Variants in ACYP2 observed in about 807,000 individuals in gnomAD.
ACYP2 encodes acylphosphatase 2, also known as acylphosphatase-2.
A neutral mutation model predicts 11.2 loss-of-function variants in ACYP2; 12 were observed. The ratio of observed to expected loss-of-function variants is 1.08; its 90% confidence interval spans 0.69 to 1.74. The LOEUF is 1.74. Ranked by LOEUF, ACYP2 falls within the 40% of genes most tolerant of loss-of-function variation. The probability of loss-of-function intolerance (pLI) is 0.00; values close to 1 mark genes in which losing one functional copy is unlikely to be tolerated. For missense variants in ACYP2, 134 were observed against 101.9 expected (o/e 1.31, Z -1.35); for synonymous variants, 43 against 32.2 (o/e 1.33, Z -1.13).
chr2:54,216,437 GATTA>G (rs1440829040), intron 6 of ACYP2, among the ~76,000 whole-genome samples: 2 of 151,810 alleles, frequency 1.3e-5, no homozygotes, highest in African/African-American at 2.4e-5. Context: ...TAAATATGAA[GATTA>G]ATTTGGGGAG....
At chr2:54,261,921 T>G (rs1280925538) in intron 6 of ACYP2, among the ~76,000 whole-genome samples, 1 of 152,238 alleles carries the variant, frequency 6.6e-6, no homozygotes. Flanking sequence ...ACCAAGTAGC[T>G]TTACAGCTGC....
At chr2:54,008,067 G>A (rs1440007662) in intron 2 of ACYP2, among the ~76,000 whole-genome samples, 3 of 152,268 alleles carry the variant, frequency 2.0e-5, no homozygotes, top group East Asian at 1.9e-4. Context: ...TCTTACTGTC[G>A]TAATTTTGCA....
At chr2:54,050,543 C>T (rs912035908) in intron 2 of ACYP2, among the ~76,000 whole-genome samples, 4 of 141,642 alleles carry the variant, frequency 2.8e-5, no homozygotes, top group Non-Finnish European at 4.5e-5. Flanking sequence ...GAAACCCCAT[C>T]CCTGAAAAAA....
rs771214655 is a variant in ACYP2, at chr2:54,138,680, GGTGAAGAATACCA to G, written c.338_350del (p.Val113AlafsTer5). On this transcript the variant is annotated frameshift_variant, in exon 6 of 7. Transcript: ENST00000607452. LOFTEE classifies it high-confidence loss of function. ...CTAGGAAAATAGGAGTGGTTGGCTG[GGTGAAGAATACCA>G]GCAAAGGCACCGTGACAGGCCAAGT... 5.6e-6 allele frequency: 9 copies of G among 1,613,986 alleles called. No homozygotes were observed. Among genetic ancestry groups the G allele is most frequent in the Non-Finnish European group, 6.8e-6 (8 of 1,180,008 alleles).
intron 6 of ACYP2, among the ~76,000 whole-genome samples, chr2:54,199,795 C>G (rs1684682042): frequency 6.6e-6 from 1 of 152,208 alleles, no homozygotes; most frequent in African/African-American, 2.4e-5. Context: ...CCCAGGCAGC[C>G]TGACTTCAGA....
chr2:54,270,846 T>TCCACAC (rs1688265369), intron 6 of ACYP2, among the ~76,000 whole-genome samples: 6 of 152,208 alleles, frequency 3.9e-5, no homozygotes, highest in Non-Finnish European at 7.3e-5. Context: ...ATTTCAATAT[T>TCCACAC]TAACAAACAG....
At chr2:54,277,979 T>C (rs918294439) in intron 6 of ACYP2, among the ~76,000 whole-genome samples, 2 of 152,160 alleles carry the variant, frequency 1.3e-5, no homozygotes, top group Non-Finnish European at 2.9e-5. Flanking sequence ...AATTAATTTA[T>C]TTATTTATGT....
chr2:54,179,438 C>T lies in ACYP2; in HGVS notation c.404+40690C>T, dbSNP rs184841081. 5.3e-5 allele frequency among the ~76,000 whole-genome samples: 8 copies of T among 152,108 alleles called. No homozygotes were observed. In the East Asian group the frequency reaches 9.7e-4, roughly 18 times the overall value. On this transcript the variant is annotated intron_variant, in intron 6 of 6. Coordinates refer to ENST00000607452, the MANE Select transcript of ACYP2 (RefSeq NM_001320586.2). ...TTGGAAATAATTCAGGGCAAGTCGG[C>T]GGAGTAAAGTGAAAGCAAGCTTATT...
chr2:53,995,974 A>G (rs1672554541), intron 2 of ACYP2, among the ~76,000 whole-genome samples: 1 of 152,040 alleles, frequency 6.6e-6, no homozygotes, highest in African/African-American at 2.4e-5. Flanking sequence ...GTCTACCAAA[A>G]TTACAAAAAA....
At chr2:54,296,068 C>T (rs1160057109) in intron 6 of ACYP2, among the ~76,000 whole-genome samples, 1 of 152,166 alleles carries the variant, frequency 6.6e-6, no homozygotes, top group South Asian at 2.1e-4. Flanking sequence ...CTGATCCTGC[C>T]ACCTTCTTAG....
In ACYP2 at chr2:54,283,455, AT is replaced by A. The variant is rs572544101; in HGVS notation, c.405-21231del. ...GGACTCTGTGTAGTGCTTTACATAT[AT>A]TAACTCCTTTCATCTTCACAACACT... On this transcript the variant is annotated intron_variant, in intron 6 of 6. Transcript: ENST00000607452. Among the ~76,000 whole-genome samples, 483 of 152,296 alleles carry A rather than the reference AT, an allele frequency of 3.2e-3. 2 individuals carry two copies. Among genetic ancestry groups the A allele is most frequent in the Middle Eastern group, 0.01 (3 of 294 alleles).
At position 54,176,496 on chromosome 2, in the gene ACYP2, CT is replaced by C. The variant is rs148590682; in HGVS notation, c.404+37749del. Among the ~76,000 whole-genome samples the C allele has an allele frequency of 7.4e-3, 1,128 of 152,312 alleles. 8 individuals carry two copies. The highest frequency in any genetic ancestry group is 0.026 in the African/African-American group (1,082 of 41,568). On this transcript the variant is annotated intron_variant, in intron 6 of 6. Coordinates refer to ENST00000607452, the MANE Select transcript of ACYP2 (RefSeq NM_001320586.2). The stretch of plus-strand genomic sequence containing the variant: ...GGACAGAGGAATACACTATTTAAGT[CT>C]GTTGTAACACCTGAATTGCTCTGTA...
intron 6 of ACYP2, among the ~76,000 whole-genome samples, chr2:54,220,713 G>A (rs1023866557): frequency 1.3e-5 from 2 of 152,154 alleles, no homozygotes; most frequent in African/African-American, 4.8e-5. Context: ...ATGAACTTCT[G>A]AAGTCTGAGT....
chr2:54,161,314 G>T (rs534774152), intron 6 of ACYP2, among the ~76,000 whole-genome samples: 1 of 152,296 alleles, frequency 6.6e-6, no homozygotes, highest in African/African-American at 2.4e-5. Context: ...CATGATCTTG[G>T]GGGCTGGGAC....
chr2:54,053,691 A>G (rs1183897936), intron 3 of ACYP2, among the ~76,000 whole-genome samples: 1 of 152,172 alleles, frequency 6.6e-6, no homozygotes, highest in Non-Finnish European at 1.5e-5. Context: ...CACCTTCTTC[A>G]ATGAGCTCTG....
intron 6 of ACYP2, among the ~76,000 whole-genome samples, chr2:54,212,908 T>C (rs1480039030): frequency 1.4e-5 from 2 of 138,092 alleles, no homozygotes; most frequent in Non-Finnish European, 3.1e-5. Flanking sequence ...GCCACTTTAC[T>C]TTTTTTTTTT....
chr2:53,984,476 C>T (rs1012370100), intron 2 of ACYP2, among the ~76,000 whole-genome samples: 14 of 151,710 alleles, frequency 9.2e-5, no homozygotes, highest in Admixed American at 2.6e-4. Context: ...AATTGGGAGG[C>T]TGAGGCAGGA....
chr2:54,105,891 G>A lies in ACYP2; in HGVS notation c.278-29562G>A, dbSNP rs78642515. 1.2e-3 allele frequency among the ~76,000 whole-genome samples: 187 copies of A among 152,078 alleles called. 1 individual carries two copies. The highest frequency in any genetic ancestry group is 4.4e-3 in the African/African-American group (181 of 41,480). On this transcript the variant is annotated intron_variant, in intron 4 of 6. Transcript: ENST00000607452. Reference sequence around the variant, plus strand: ...CTGTTGAATGAGTGAATGAAAGACTGTTGAAGGCAGTGTGGCAGAGTGGAA... The same window carrying A: ...CTGTTGAATGAGTGAATGAAAGACTATTGAAGGCAGTGTGGCAGAGTGGAA...
chr2:54,263,503 A>G (rs964411708), intron 6 of ACYP2, among the ~76,000 whole-genome samples: 3 of 152,202 alleles, frequency 2.0e-5, no homozygotes, highest in African/African-American at 7.2e-5. Flanking sequence ...GCATACCTGT[A>G]GTCCTAGCTA....
Sources: allele counts gnomAD v4.1 joint callset (sites outside exome capture counted in the v4.1 genomes callset), GRCh38; gene constraint gnomAD v4.1.1; transcripts MANE v1.5; gene names NCBI Gene and HGNC (gene_info 2026-07-23, HGNC 2026-07-21).